CACNG2: variants seen among roughly 807,000 people sequenced by gnomAD.
CACNG2 encodes calcium voltage-gated channel auxiliary subunit gamma 2, also known as voltage-dependent calcium channel gamma-2 subunit.
CACNG2 carries 3 observed loss-of-function variants against 25.9 expected under a neutral mutation model. The observed-to-expected ratio is 0.12, with a 90% CI of 0.05 to 0.30. The LOEUF (loss-of-function observed/expected upper bound fraction) is 0.30. Among genes scored for constraint, CACNG2 ranks in the 10% least tolerant of loss-of-function variants. The pLI is 1.00. For missense variants in CACNG2, 341 were observed against 432.5 expected, an observed-to-expected ratio of 0.79 and a Z score of 1.88; for synonymous variants, 167 against 173.3, an observed-to-expected ratio of 0.96 and a Z score of 0.29.
chr22:36,687,067 G>T (rs545946256), intron 1 of CACNG2, among the ~76,000 whole-genome samples: 1 of 152,194 alleles, frequency 6.6e-6, no homozygotes, highest in Non-Finnish European at 1.5e-5. Flanking sequence ...CTTTGCCCTT[G>T]TTTTTTTGTG....
At chr22:36,578,574 C>T (rs1036434222) in intron 2 of CACNG2, among the ~76,000 whole-genome samples, 2 of 152,096 alleles carry the variant, frequency 1.3e-5, no homozygotes, top group Non-Finnish European at 2.9e-5. Flanking sequence ...GTAACAACCT[C>T]GGGTTTTGAC....
intron 1 of CACNG2, among the ~76,000 whole-genome samples, chr22:36,679,872 G>A (rs1937074648): frequency 6.6e-6 from 1 of 152,076 alleles, no homozygotes; most frequent in African/African-American, 2.4e-5. Flanking sequence ...GTGAAGAGTT[G>A]TTCCAAATGG....
At position 36,564,359 on chromosome 22, in the gene CACNG2, G is replaced by A; in HGVS notation, c.964C>T (p.Pro322Ser). ...HSNTANRRTT[P>S]V ...GGCGAGGCCCGCGGTCTTTATACGG[G>A]GGTGGTCCGGCGGTTGGCTGTGTTG... is the stretch of plus-strand genomic sequence containing the variant. The change falls in exon 4 of 4, where the codon CCC (proline) becomes TCC (serine). Residue 322 changes from proline (P) to serine (S), a missense_variant. This residue lies in a region of CACNG2 where 172 missense variants were observed against 178.1 expected (regional missense o/e 0.97). Coordinates refer to ENST00000300105, the MANE Select transcript of CACNG2 (RefSeq NM_006078.5). This position sits in a 1 kb window ranked among gnomAD's most constrained non-coding sequence, Gnocchi z 6.7. The A allele has an allele frequency of 6.2e-7, 1 of 1,613,582 alleles. No individual in the cohort carries two copies.
intron 2 of CACNG2, among the ~76,000 whole-genome samples, chr22:36,585,862 T>C (rs1443595161): frequency 6.6e-6 from 1 of 152,226 alleles, no homozygotes; most frequent in African/African-American, 2.4e-5. Context: ...AATGGAGGCA[T>C]TGAGTTGTTA....
At chr22:36,623,694 A>T (rs1401887497) in intron 1 of CACNG2, among the ~76,000 whole-genome samples, 1 of 152,122 alleles carries the variant, frequency 6.6e-6, no homozygotes. Flanking sequence ...TCTAGGGGGA[A>T]TTGCTTAAAA....
At chr22:36,596,059 G>A (rs980546685) in intron 1 of CACNG2, among the ~76,000 whole-genome samples, 1 of 152,232 alleles carries the variant, frequency 6.6e-6, no homozygotes, top group African/African-American at 2.4e-5. Context: ...GTCATTAGGG[G>A]CTGAACAGAC....
intron 1 of CACNG2, among the ~76,000 whole-genome samples, chr22:36,685,099 A>G (rs866226268): frequency 1.3e-5 from 2 of 151,988 alleles, no homozygotes; most frequent in Non-Finnish European, 2.9e-5. Context: ...ACAAATATCC[A>G]TGCCCCGCCT....
intron 1 of CACNG2, among the ~76,000 whole-genome samples, chr22:36,626,785 A>T (rs1569033765): frequency 6.6e-6 from 1 of 152,196 alleles, no homozygotes; most frequent in African/African-American, 2.4e-5. Context: ...GTAGCTATAC[A>T]TAGGGAGATC....
At chr22:36,579,048 G>A (rs1311879783) in intron 2 of CACNG2, among the ~76,000 whole-genome samples, 1 of 152,130 alleles carries the variant, frequency 6.6e-6, no homozygotes, top group Non-Finnish European at 1.5e-5. Flanking sequence ...CCATCTGCCA[G>A]CCAGAACTCC....
At position 36,564,405 on chromosome 22, in the gene CACNG2, C is replaced by T. The variant is rs1935089360; in HGVS notation, c.918G>A (p.Glu306=). Reference sequence around the variant, plus strand: ...TGTTGGAGTGGAGAGAGTCCTTGTTCTCCTTCTGGATACAGTTGTGAACCT... The same window carrying T: ...TGTTGGAGTGGAGAGAGTCCTTGTTTTCCTTCTGGATACAGTTGTGAACCT... ...FLQVHNCIQK[E]NKDSLHSNTA... The change falls in exon 4 of 4, where the codon GAG becomes GAA. Residue 306 remains glutamate, a synonymous_variant. Transcript: ENST00000300105. The surrounding 1 kb of genome is among the most constrained non-coding windows in gnomAD (Gnocchi z 6.7). The T allele has an allele frequency of 1.9e-6, 3 of 1,613,864 alleles. No homozygotes were observed. In the African/African-American group the frequency reaches 4.0e-5, roughly 22 times the overall value.
At chr22:36,653,261 TTGCAG>T (rs1332039333) in intron 1 of CACNG2, among the ~76,000 whole-genome samples, 1 of 151,622 alleles carries the variant, frequency 6.6e-6, no homozygotes, top group Non-Finnish European at 1.5e-5. Flanking sequence ...GAGGTGGAGG[TTGCAG>T]TGAACCGAGA....
chr22:36,566,528 G>A (rs1192999310), intron 2 of CACNG2, 35 bp from the exon 3 acceptor site: 13 of 1,612,730 alleles, frequency 8.1e-6, no homozygotes, highest in African/African-American at 6.7e-5. Context: ...GAAAGAGAAC[G>A]GCATGGCTGT....
At chr22:36,656,553 G>A (rs1936708154) in intron 1 of CACNG2, among the ~76,000 whole-genome samples, 1 of 152,032 alleles carries the variant, frequency 6.6e-6, no homozygotes, top group Non-Finnish European at 1.5e-5. Flanking sequence ...TTTCACCCCA[G>A]CCCCTACATT....
chr22:36,607,844 T>C lies in CACNG2; in HGVS notation c.212-20296A>G, dbSNP rs11705231. 3.0e-3 allele frequency among the ~76,000 whole-genome samples: 458 copies of C among 152,324 alleles called. 2 individuals carry two copies. Among genetic ancestry groups the C allele is most frequent in the Admixed American group, 5.8e-3 (89 of 15,292 alleles). Reference sequence around the variant, plus strand: ...CTTCTCAGCTCTGACTCTGCCATCATGCTCTCCCAGCCGAATTAAGCTCTC... The same window carrying C: ...CTTCTCAGCTCTGACTCTGCCATCACGCTCTCCCAGCCGAATTAAGCTCTC... On this transcript the variant is annotated intron_variant, in intron 1 of 3. Coordinates refer to ENST00000300105, the MANE Select transcript of CACNG2 (RefSeq NM_006078.5).
At chr22:36,568,542 C>T (rs1935167378) in intron 2 of CACNG2, among the ~76,000 whole-genome samples, 1 of 151,912 alleles carries the variant, frequency 6.6e-6, no homozygotes, top group Middle Eastern at 3.4e-3. Context: ...GTAGGTGGGA[C>T]TACAGGTGTG....
intron 1 of CACNG2, among the ~76,000 whole-genome samples, chr22:36,639,143 T>C (rs1936404262): frequency 6.6e-6 from 1 of 152,182 alleles, no homozygotes; most frequent in Non-Finnish European, 1.5e-5. Context: ...CTCGGGAAAG[T>C]CACTTCACTT....
intron 1 of CACNG2, among the ~76,000 whole-genome samples, chr22:36,674,777 A>G (rs1937000083): frequency 6.6e-6 from 1 of 152,178 alleles, no homozygotes; most frequent in Non-Finnish European, 1.5e-5. Context: ...CACTGGGAAG[A>G]GGGAGGTAGG....
At chr22:36,661,411 A>G (rs982034654) in intron 1 of CACNG2, among the ~76,000 whole-genome samples, 43 of 152,300 alleles carry the variant, frequency 2.8e-4, no homozygotes, top group African/African-American at 1.0e-3. Context: ...GCTGAGTGAC[A>G]TGGGACAAAT....
chr22:36,628,673 C>G (rs989461640), intron 1 of CACNG2, among the ~76,000 whole-genome samples: 2 of 152,058 alleles, frequency 1.3e-5, no homozygotes, highest in Non-Finnish European at 2.9e-5. Flanking sequence ...TGGCATGAAA[C>G]TGTCAAGAAC....
Sources: gnomAD v4.1 joint callset for allele counts (sites outside exome capture counted in the v4.1 genomes callset) on GRCh38, gnomAD v4.1.1 for gene constraint, gnomAD v4.1.1 regional missense constraint, Gnocchi (gnomAD v3.1) non-coding constraint, MANE v1.5 for transcripts, NCBI Gene and HGNC (gene_info 2026-07-23, HGNC 2026-07-21) for gene names.